Variants in COQ8A observed in about 807,000 individuals in gnomAD.
COQ8A encodes coenzyme Q8A.
A neutral mutation model predicts 65.0 loss-of-function variants in COQ8A; 51 were observed. That is an observed-to-expected ratio of 0.78 (90% CI 0.63 to 0.99). The LOEUF is 0.99. Ranked by LOEUF, COQ8A falls within the 50% of genes least tolerant of loss-of-function variation. The pLI is 0.00. For missense variants in COQ8A, 940 were observed against 875.0 expected (o/e 1.07, Z -0.94); for synonymous variants, 371 against 353.2 (o/e 1.05, Z -0.57).
chr1:226,980,818 TC>T (rs1396096577), intron 5 of COQ8A, among the ~76,000 whole-genome samples: 4 of 152,282 alleles, frequency 2.6e-5, no homozygotes, highest in South Asian at 4.1e-4. Flanking sequence ...AGGCTCCTCT[TC>T]CGGGCCCGCA....
Position 226,971,945 on chromosome 1 carries a change from C to T in COQ8A, c.656-5504C>T, listed in dbSNP as rs200987339. ...AATACTGTATCTGTACTATTCTCTC[C>T]TCTCTTTCTGGGACTCCAATTACAC... is the stretch of plus-strand genomic sequence containing the variant. On this transcript the variant is annotated intron_variant, in intron 4 of 14. Coordinates refer to ENST00000366777, the MANE Select transcript of COQ8A (RefSeq NM_020247.5). Among the ~76,000 whole-genome samples, 3 of 152,326 alleles carry T rather than the reference C, an allele frequency of 2.0e-5. No individual in the cohort carries two copies. The East Asian group carries it at 5.8e-4, about 29-fold the overall frequency.
At chr1:226,976,376 G>A (rs1416925904) in intron 4 of COQ8A, among the ~76,000 whole-genome samples, 1 of 150,622 alleles carries the variant, frequency 6.6e-6, no homozygotes, top group Non-Finnish European at 1.5e-5. Flanking sequence ...GCCTGGCTGC[G>A]GGGCTGTGGG....
chr1:226,981,619 C>T (rs1403770802), intron 5 of COQ8A, among the ~76,000 whole-genome samples: 1 of 152,208 alleles, frequency 6.6e-6, no homozygotes, highest in Admixed American at 6.5e-5. Flanking sequence ...GGTGGGGGTG[C>T]ACAGGGCAAA....
intron 5 of COQ8A, among the ~76,000 whole-genome samples, chr1:226,979,113 G>C (rs1410002016): frequency 6.6e-6 from 1 of 152,236 alleles, no homozygotes; most frequent in Non-Finnish European, 1.5e-5. Context: ...ACCTGGGGAG[G>C]CTGTAGTCTA....
At position 226,982,769 on chromosome 1, in the gene COQ8A, G is replaced by A. The variant is rs1477110618; in HGVS notation, c.939+6G>A. 1 of 1,613,522 alleles carries A rather than the reference G, an allele frequency of 6.2e-7. No individual in the cohort carries two copies. Reference sequence around the variant, plus strand: ...TGCCACTGAAGCAGATGATGGTGAGGAGCCAGGGGCTCTGCCCACTCTCTG... The same window carrying A: ...TGCCACTGAAGCAGATGATGGTGAGAAGCCAGGGGCTCTGCCCACTCTCTG... On this transcript the variant is annotated splice_donor_region_variant and intron_variant, in intron 7 of 14. Transcript: ENST00000366777.
At chr1:226,984,704 G>A (rs759101403) in intron 12 of COQ8A, 49 bp downstream of exon 12, 75 of 1,568,976 alleles carry the variant, frequency 4.8e-5, no homozygotes, top group Non-Finnish European at 6.0e-5. Context: ...GAGCTTCTCC[G>A]AATGGGGCAC....
At chr1:226,953,906 A>C (rs1316828590) in intron 1 of COQ8A, among the ~76,000 whole-genome samples, 1 of 152,230 alleles carries the variant, frequency 6.6e-6, no homozygotes, top group Non-Finnish European at 1.5e-5. Context: ...GCCCCAACAC[A>C]TACATTCTTG....
chr1:226,985,774 T>C (rs1226618598), intron 14 of COQ8A, among the ~76,000 whole-genome samples: 1 of 152,172 alleles, frequency 6.6e-6, no homozygotes. Context: ...CATTTTCCGC[T>C]TGCTGCTTGA....
rs118155348 is a variant in COQ8A at position 226,978,341 on chromosome 1, C to T, written c.730+818C>T. Among the ~76,000 whole-genome samples, 334 of 129,244 alleles carry T rather than the reference C, an allele frequency of 2.6e-3. 7 individuals carry two copies. The East Asian group carries it at 0.043, about 17-fold the overall frequency. 84.8% of individuals were successfully genotyped at this position (129,244 alleles called of 152,430 possible). The stretch of plus-strand genomic sequence containing the variant: ...CACCTGCACACCTCTTTATCCTCCA[C>T]CCACCCTCCACCCACCCGAACACCT... On this transcript the variant is annotated intron_variant, in intron 5 of 14. Coordinates refer to ENST00000366777, the MANE Select transcript of COQ8A (RefSeq NM_020247.5).
Position 226,983,857 on chromosome 1 carries a change from G to T in COQ8A, c.1256+3G>T, listed in dbSNP as rs1288174652. 1 of 1,606,814 alleles carries T rather than the reference G, an allele frequency of 6.2e-7. No individual in the cohort carries two copies. Among genetic ancestry groups the T allele is most frequent in the South Asian group, 1.1e-5 (1 of 90,822 alleles). On this transcript the variant is annotated splice_donor_region_variant and intron_variant, in intron 10 of 14. Coordinates refer to ENST00000366777, the MANE Select transcript of COQ8A (RefSeq NM_020247.5). ...GCCGCCTGTGCCCGCAAGTTCAGGT[G>T]TGGCCCCCGGCCGGGCCCCTTGCGT...
chr1:226,984,689 C>T, intron 12 of COQ8A, 34 bp downstream of exon 12: 1 of 1,589,950 alleles, frequency 6.3e-7, no homozygotes, highest in Non-Finnish European at 8.6e-7. Flanking sequence ...CGCAGCCAGG[C>T]CTGAGAGCTT....
intron 4 of COQ8A, 140 bp downstream of exon 4, chr1:226,965,877 CT>C (rs1307625820): frequency 7.0e-6 from 6 of 854,446 alleles, no homozygotes; most frequent in African/African-American, 3.3e-5. Flanking sequence ...CCTGCATGAG[CT>C]TTTGGGGAGC....
At chr1:226,981,880 A>G (rs1399776153) in intron 5 of COQ8A, 147 bp from the exon 6 acceptor site, 42 of 1,246,782 alleles carry the variant, frequency 3.4e-5, no homozygotes, top group Non-Finnish European at 4.7e-5. Flanking sequence ...GGAGGTGGAC[A>G]TGGAACAGTA....
intron 5 of COQ8A, among the ~76,000 whole-genome samples, chr1:226,978,832 CCTT>C (rs1659501458): frequency 8.2e-6 from 1 of 121,856 alleles, no homozygotes; most frequent in Non-Finnish European, 1.9e-5. Flanking sequence ...GCACACACCT[CCTT>C]ACACACCCAC....
intron 11 of COQ8A, 36 bp from the exon 12 acceptor site, chr1:226,984,512 G>A (rs757744937): frequency 2.0e-6 from 3 of 1,535,300 alleles, no homozygotes; most frequent in Middle Eastern, 1.7e-4. Flanking sequence ...AGGCAGTGTG[G>A]TGCTGCCTGA....
intron 1 of COQ8A, among the ~76,000 whole-genome samples, chr1:226,960,667 T>A (rs992450107): frequency 6.6e-6 from 1 of 151,708 alleles, no homozygotes; most frequent in Non-Finnish European, 1.5e-5. Context: ...TGGTGGTGGT[T>A]GTTCATTTCT....
At chr1:226,951,522 G>A (rs1657387380) in intron 1 of COQ8A, among the ~76,000 whole-genome samples, 1 of 152,156 alleles carries the variant, frequency 6.6e-6, no homozygotes, top group African/African-American at 2.4e-5. Context: ...GCCTGTGGGT[G>A]TTGGGCAGCT....
intron 1 of COQ8A, among the ~76,000 whole-genome samples, chr1:226,944,500 T>C (rs1028212917): frequency 1.3e-5 from 2 of 151,550 alleles, no homozygotes; most frequent in East Asian, 1.9e-4. Context: ...GGGAGGAGAT[T>C]GGACAGAGGC....
At chr1:226,983,180 T>A in intron 8 of COQ8A, 146 bp downstream of exon 8, 1 of 1,227,900 alleles carries the variant, frequency 8.1e-7, no homozygotes. Flanking sequence ...CTGGCCCCAG[T>A]GCCTGGACGG....
Sources: gnomAD v4.1 joint callset for allele counts (sites outside exome capture counted in the v4.1 genomes callset) on GRCh38, gnomAD v4.1.1 for gene constraint, MANE v1.5 for transcripts, NCBI Gene and HGNC (gene_info 2026-07-23, HGNC 2026-07-21) for gene names.